Variants in GLIS3 observed in about 807,000 individuals in gnomAD.
GLIS3 encodes GLIS family zinc finger 3, also known as zinc finger protein GLIS3.
In GLIS3, 53 loss-of-function variants were observed where a neutral mutation model predicts 78.6. That is an observed-to-expected ratio of 0.67 (90% confidence interval 0.54 to 0.85). The LOEUF (loss-of-function observed/expected upper bound fraction) is 0.85. GLIS3 is among the 40% of genes least tolerant of loss of function. The probability of loss-of-function intolerance (pLI) is 0.00; values close to 1 mark genes in which losing one functional copy is unlikely to be tolerated. For missense variants in GLIS3, 1,703 were observed against 1,231.1 expected, an observed-to-expected ratio of 1.38 and a Z score of -5.74; for synonymous variants, 684 against 509.9, an observed-to-expected ratio of 1.34 and a Z score of -4.60.
chr9:4,483,680 A>G, the GLIS3 span, among the ~76,000 whole-genome samples: 6 of 149,740 alleles, frequency 4.0e-5, no homozygotes, highest in Non-Finnish European at 7.4e-5. Flanking sequence ...ATATCATGCC[A>G]CTGCGCTTCA....
At chr9:4,187,128 G>T (rs1290466916) in intron 2 of GLIS3, among the ~76,000 whole-genome samples, 2 of 152,166 alleles carry the variant, frequency 1.3e-5, no homozygotes, top group Non-Finnish European at 2.9e-5. Flanking sequence ...TATGCTTTTA[G>T]GTCTAACGTT....
the GLIS3 span, among the ~76,000 whole-genome samples, chr9:4,436,028 A>C: frequency 3.3e-5 from 5 of 152,208 alleles, no homozygotes; most frequent in East Asian, 9.6e-4. Flanking sequence ...GTAATATATG[A>C]AGGATAATAG....
chr9:4,367,482 A>C, the GLIS3 span, among the ~76,000 whole-genome samples: 1 of 151,262 alleles, frequency 6.6e-6, no homozygotes, highest in Non-Finnish European at 1.5e-5. Flanking sequence ...TTAGCTAACC[A>C]CTCATAACAC....
At chr9:4,179,796 G>C (rs181216891) in intron 2 of GLIS3, among the ~76,000 whole-genome samples, 226 of 152,052 alleles carry the variant, frequency 1.5e-3, no homozygotes, top group African/African-American at 5.1e-3. Flanking sequence ...TGTAATCCCA[G>C]CTACCCAGGA....
intron 2 of GLIS3, among the ~76,000 whole-genome samples, chr9:4,131,832 C>G (rs1832996240): frequency 6.6e-6 from 1 of 152,104 alleles, no homozygotes; most frequent in Non-Finnish European, 1.5e-5. Context: ...AGCACACTAT[C>G]AAGCACGCAG....
intron 2 of GLIS3, among the ~76,000 whole-genome samples, chr9:4,246,185 C>A (rs994017164): frequency 6.6e-6 from 1 of 152,186 alleles, no homozygotes; most frequent in African/African-American, 2.4e-5. Flanking sequence ...ATGATGAAAC[C>A]CTGTCTCTAC....
intron 2 of GLIS3, among the ~76,000 whole-genome samples, chr9:4,233,834 G>C (rs572450244): frequency 6.6e-6 from 1 of 152,204 alleles, no homozygotes; most frequent in East Asian, 1.9e-4. Flanking sequence ...GTTTAGTGTA[G>C]CCATCATCAT....
the GLIS3 span, among the ~76,000 whole-genome samples, chr9:4,373,349 A>C: frequency 6.6e-6 from 1 of 152,148 alleles, no homozygotes; most frequent in African/African-American, 2.4e-5. Context: ...AAATTGGGAA[A>C]TCTCAAGATT....
At chr9:3,836,316 A>T (rs1818349993) in intron 9 of GLIS3, among the ~76,000 whole-genome samples, 1 of 152,218 alleles carries the variant, frequency 6.6e-6, no homozygotes, top group Non-Finnish European at 1.5e-5. Context: ...TATATTTATG[A>T]GCTTTACAGC....
intron 8 of GLIS3, among the ~76,000 whole-genome samples, chr9:3,864,446 T>C (rs1028327525): frequency 6.6e-6 from 1 of 152,196 alleles, no homozygotes; most frequent in Non-Finnish European, 1.5e-5. Context: ...CCAGTATCCT[T>C]CTCATGGTTT....
chr9:3,891,524 T>C (rs1822446846), intron 7 of GLIS3, among the ~76,000 whole-genome samples: 1 of 152,016 alleles, frequency 6.6e-6, no homozygotes, highest in African/African-American at 2.4e-5. Context: ...CAAGACCTTG[T>C]CTCTACACAA....
chr9:4,253,593 A>G lies in GLIS3; in HGVS notation c.388+32445T>C, dbSNP rs1824609811. Among the ~76,000 whole-genome samples the G allele has an allele frequency of 2.6e-5, 4 of 152,336 alleles. No individual in the cohort carries two copies. The South Asian group carries it at 8.3e-4, about 32-fold the overall frequency. On this transcript the variant is annotated intron_variant, in intron 2 of 10. Transcript: ENST00000381971. ...CTAGACCACTTGTCTCCCTGGCTTC[A>G]GCCCCCTTTCCAGGTGAGTGAACGA...
At position 4,153,980 on chromosome 9, in the gene GLIS3, G is replaced by A. The variant is rs1411443430; in HGVS notation, c.389-28039C>T. ...AGTCATCTGAAGGGTGGGCTGGATG[G>A]ACATCTAAGTGGCACACTCCCGTGC... On this transcript the variant is annotated intron_variant, in intron 2 of 10. Transcript: ENST00000381971. Among the ~76,000 whole-genome samples, 3 of 152,180 alleles carry A rather than the reference G, an allele frequency of 2.0e-5. No homozygotes were observed. The East Asian group carries it at 5.8e-4, about 29-fold the overall frequency.
At chr9:4,017,800 G>A (rs944554085) in intron 4 of GLIS3, among the ~76,000 whole-genome samples, 2 of 152,208 alleles carry the variant, frequency 1.3e-5, no homozygotes, top group South Asian at 2.1e-4. Context: ...CAATATTGAA[G>A]GACGGGCACT....
chr9:4,456,094 T>C, the GLIS3 span, among the ~76,000 whole-genome samples: 1 of 151,846 alleles, frequency 6.6e-6, no homozygotes, highest in Non-Finnish European at 1.5e-5. Context: ...GGCGACAGAG[T>C]GAGACTCCAT....
At chr9:4,247,890 C>A (rs1823949237) in intron 2 of GLIS3, among the ~76,000 whole-genome samples, 1 of 152,082 alleles carries the variant, frequency 6.6e-6, no homozygotes, top group Non-Finnish European at 1.5e-5. Flanking sequence ...TTCATTGATA[C>A]TTTTGTGGTG....
intron 2 of GLIS3, among the ~76,000 whole-genome samples, chr9:4,147,071 C>T (rs1834277129): frequency 6.6e-6 from 1 of 152,140 alleles, no homozygotes; most frequent in African/African-American, 2.4e-5. Context: ...GAAATTTAAG[C>T]CCACTGCAAT....
At chr9:3,927,092 T>A (rs1825308546) in intron 6 of GLIS3, among the ~76,000 whole-genome samples, 1 of 152,180 alleles carries the variant, frequency 6.6e-6, no homozygotes, top group Non-Finnish European at 1.5e-5. Context: ...TTCTGTTTAT[T>A]TTTTTTACTG....
At chr9:3,842,698 G>A (rs917634076) in intron 9 of GLIS3, among the ~76,000 whole-genome samples, 9 of 152,286 alleles carry the variant, frequency 5.9e-5, no homozygotes, top group South Asian at 4.2e-4. Context: ...CTCTACGGCC[G>A]ACTCTGGAAG....
Sources: gnomAD v4.1 joint callset for allele counts (sites outside exome capture counted in the v4.1 genomes callset) on GRCh38, gnomAD v4.1.1 for gene constraint, MANE v1.5 for transcripts, NCBI Gene and HGNC (gene_info 2026-07-23, HGNC 2026-07-21) for gene names.